Variants in TTC7A observed in about 807,000 individuals in gnomAD.
The protein encoded by TTC7A is tetratricopeptide repeat protein 7A.
Under a neutral mutation model 103.7 loss-of-function variants are expected in TTC7A, and 110 were observed. The ratio of observed to expected loss-of-function variants is 1.06; its 90% CI spans 0.91 to 1.24. The LOEUF (loss-of-function observed/expected upper bound fraction) is 1.24. TTC7A is among the 50% of genes most tolerant of loss of function. The pLI is 0.00. For missense variants in TTC7A, 1,340 were observed against 1,116.3 expected, an observed-to-expected ratio of 1.20 and a Z score of -2.86; for synonymous variants, 521 against 467.9, an observed-to-expected ratio of 1.11 and a Z score of -1.47.
At chr2:47,043,335 G>T (rs564477507) in intron 15 of TTC7A, among the ~76,000 whole-genome samples, 11 of 152,276 alleles carry the variant, frequency 7.2e-5, no homozygotes, top group African/African-American at 2.4e-4. Context: ...GTTGTGCACA[G>T]CCCCCATGGG....
At chr2:46,924,349 T>C (rs1572638612) in intron 2 of TTC7A, among the ~76,000 whole-genome samples, 1 of 152,256 alleles carries the variant, frequency 6.6e-6, no homozygotes, top group African/African-American at 2.4e-5. Context: ...GTTAGCTCCT[T>C]CTTAATTTTT....
intron 2 of TTC7A, among the ~76,000 whole-genome samples, chr2:46,934,727 C>T (rs954368460): frequency 1.5e-4 from 22 of 147,756 alleles, no homozygotes; most frequent in Admixed American, 4.0e-4. Context: ...ACTTCAAAAC[C>T]ATCACTTTTG....
At chr2:47,026,438 C>T (rs1679924449) in intron 14 of TTC7A, among the ~76,000 whole-genome samples, 1 of 152,186 alleles carries the variant, frequency 6.6e-6, no homozygotes, top group Admixed American at 6.5e-5. Flanking sequence ...GTGCCCACAG[C>T]CTGCACAGAG....
chr2:46,960,034 C>G (rs1171149954), intron 3 of TTC7A, among the ~76,000 whole-genome samples: 3 of 152,204 alleles, frequency 2.0e-5, no homozygotes, highest in East Asian at 1.9e-4. Context: ...TCCAGGTGGT[C>G]TGTGCCCAGC....
In TTC7A at chr2:46,952,778, C is replaced by T. The variant is rs191797743; in HGVS notation, c.348+2252C>T. ...CACACACAAAAAAAGTTCTTGTTTT[C>T]CAACCTCACCCTCATGCCCACACCC... On this transcript the variant is annotated intron_variant, in intron 2 of 19. Coordinates refer to ENST00000319190, the MANE Select transcript of TTC7A (RefSeq NM_020458.4). Among the ~76,000 whole-genome samples the T allele has an allele frequency of 2.6e-5, 4 of 152,254 alleles. No homozygotes were observed. In the East Asian group the frequency reaches 7.7e-4, roughly 29 times the overall value.
intron 18 of TTC7A, among the ~76,000 whole-genome samples, chr2:47,053,866 G>A (rs574161790): frequency 3.9e-4 from 60 of 152,276 alleles, no homozygotes; most frequent in African/African-American, 1.3e-3. Context: ...GAGCCACTGC[G>A]CCCGGCCTGA....
chr2:46,923,376 C>G (rs1256910239), intron 2 of TTC7A, among the ~76,000 whole-genome samples: 2 of 152,198 alleles, frequency 1.3e-5, no homozygotes, highest in Non-Finnish European at 2.9e-5. Flanking sequence ...CTGGGGGCTG[C>G]CAGCCATCAG....
intron 2 of TTC7A, among the ~76,000 whole-genome samples, chr2:46,928,461 A>T (rs1391344416): frequency 6.6e-4 from 58 of 88,208 alleles, no homozygotes; most frequent in African/African-American, 4.5e-3. Context: ...AGGGAAATTA[A>T]AAAAAAAAAA....
chr2:46,930,834 T>G (rs79467847), intron 2 of TTC7A, among the ~76,000 whole-genome samples: 4,179 of 152,268 alleles, frequency 0.027, 111 homozygotes, highest in African/African-American at 0.067. Context: ...ATCCAATCAG[T>G]AATTTTTAAA....
In TTC7A at chr2:46,975,029, A is replaced by C. The variant is rs777004024; in HGVS notation, c.574A>C (p.Arg192=). The change falls in exon 4 of 20, where the codon AGG becomes CGG. Residue 192 remains arginine (R), a synonymous_variant. Transcript: ENST00000319190. ...CGCCTCCCGCTTCCGCCTGACAGAGAGGGAGGAGGAAGTGATCACCTGTTT... is the reference window on the plus strand; with the variant it reads ...CGCCTCCCGCTTCCGCCTGACAGAGCGGGAGGAGGAAGTGATCACCTGTTT... ...SIASRFRLTE[R]EEEVITCFER... is the part of the protein sequence containing the mutation. 11 of 1,613,852 alleles carry C rather than the reference A, an allele frequency of 6.8e-6. No homozygotes were observed. In the East Asian group the frequency reaches 2.0e-4, roughly 29 times the overall value.
At chr2:46,958,127 A>G (rs1672050623) in intron 3 of TTC7A, among the ~76,000 whole-genome samples, 1 of 152,080 alleles carries the variant, frequency 6.6e-6, no homozygotes, top group South Asian at 2.1e-4. Flanking sequence ...AGGAGGAGTG[A>G]CTGTGACATC....
chr2:46,963,614 A>G (rs557784584), intron 3 of TTC7A, among the ~76,000 whole-genome samples: 1 of 152,354 alleles, frequency 6.6e-6, no homozygotes, highest in African/African-American at 2.4e-5. Flanking sequence ...TATGGTTATA[A>G]TAACCAATGT....
rs1680273637 is a variant in TTC7A at position 47,029,389 on chromosome 2, G to A, written c.1802+5G>A. ...CGAGCACCCTGAGAACTTCAAGTGA[G>A]TGCCCTGGGAACACTCTGGCAGTGG... is the stretch of plus-strand genomic sequence containing the variant. On this transcript the variant is annotated splice_donor_5th_base_variant and intron_variant, in intron 15 of 19. Transcript: ENST00000319190. 6.2e-7 allele frequency: 1 copy of A among 1,613,534 alleles called. No individual in the cohort carries two copies. The highest frequency in any genetic ancestry group is 8.5e-7 in the Non-Finnish European group (1 of 1,180,000).
intron 17 of TTC7A, chr2:47,050,373 C>T (rs943092589): frequency 3.2e-6 from 1 of 308,936 alleles, no homozygotes; most frequent in Non-Finnish European, 6.3e-6. Flanking sequence ...ACGTAATGTC[C>T]TTGGCAGATC....
In TTC7A at chr2:46,994,497, C is replaced by T. The variant is rs1226296178; in HGVS notation, c.984C>T (p.His328=). 1.2e-6 allele frequency: 2 copies of T among 1,613,870 alleles called. No individual in the cohort carries two copies. The highest frequency in any genetic ancestry group is 2.7e-5 in the African/African-American group (2 of 74,896). The stretch of plus-strand genomic sequence containing the variant: ...CCACTCAGGCCCTGCGGAAACCTCA[C>T]CTCTATGAAGGAGACAAGTAAGTTC... ...SFATQALRKP[H]LYEGDNLYCP... Residue 328 remains histidine, a synonymous_variant, in exon 7 of 20, where the codon CAC becomes CAT. Coordinates refer to ENST00000319190, the MANE Select transcript of TTC7A (RefSeq NM_020458.4).
upstream of TTC7A, among the ~76,000 whole-genome samples, chr2:46,937,177 G>T (rs1670021626): frequency 6.6e-6 from 1 of 152,002 alleles, no homozygotes; most frequent in African/African-American, 2.4e-5. The surrounding 1 kb of genome is among the most constrained non-coding windows in gnomAD (Gnocchi z 4.0). Context: ...TTCCTTAACA[G>T]ATTTCTTGGC....
intron 2 of TTC7A, among the ~76,000 whole-genome samples, chr2:46,932,854 T>G (rs546086664): frequency 7.0e-6 from 1 of 141,896 alleles, no homozygotes; most frequent in Admixed American, 7.4e-5. Flanking sequence ...CAAGCGCAGA[T>G]CGCACCACTG....
At chr2:46,997,287 G>A (rs7594681) in intron 8 of TTC7A, among the ~76,000 whole-genome samples, 16,267 of 152,018 alleles carry the variant, frequency 0.11, 1,391 homozygotes, top group African/African-American at 0.24. Flanking sequence ...CCTAAACACC[G>A]GTTATTTTGT....
At chr2:46,932,583 G>A (rs1669763772) in intron 2 of TTC7A, among the ~76,000 whole-genome samples, 1 of 149,016 alleles carries the variant, frequency 6.7e-6, no homozygotes, top group Admixed American at 6.6e-5. Flanking sequence ...AGGAAGAAAA[G>A]AAAGAGAAAG....
Sources: gnomAD v4.1 joint callset for allele counts (sites outside exome capture counted in the v4.1 genomes callset) on GRCh38, gnomAD v4.1.1 for gene constraint, Gnocchi (gnomAD v3.1) non-coding constraint, MANE v1.5 for transcripts, NCBI Gene and HGNC (gene_info 2026-07-23, HGNC 2026-07-21) for gene names.